Variants in KCNQ5 observed in about 807,000 individuals in gnomAD.
The protein encoded by KCNQ5 is potassium voltage-gated channel subfamily KQT member 5.
Under a neutral mutation model 98.2 loss-of-function variants are expected in KCNQ5, and 30 were observed. That is an observed-to-expected ratio of 0.31 (90% confidence interval 0.23 to 0.41). The LOEUF is 0.41. Ranked by LOEUF, KCNQ5 falls within the 10% of genes least tolerant of loss-of-function variation. KCNQ5 has a pLI of 1.00. For missense variants in KCNQ5, 835 were observed against 1,182.5 expected (o/e 0.71, Z 4.31); for synonymous variants, 458 against 449.4 (o/e 1.02, Z -0.24).
At chr6:72,895,278 G>T (rs1779205698) in intron 1 of KCNQ5, among the ~76,000 whole-genome samples, 1 of 148,512 alleles carries the variant, frequency 6.7e-6, no homozygotes, top group South Asian at 2.1e-4. Context: ...GACAGAGCGA[G>T]ACTCGGTCTC....
At chr6:72,656,225 A>G (rs1427827972) in intron 1 of KCNQ5, among the ~76,000 whole-genome samples, 1 of 152,166 alleles carries the variant, frequency 6.6e-6, no homozygotes, top group African/African-American at 2.4e-5. Context: ...CTGGGGACCC[A>G]GGACCACACA....
At chr6:73,077,925 G>A (rs1168250449) in intron 5 of KCNQ5, 38 bp downstream of exon 5, 16 of 1,527,926 alleles carry the variant, frequency 1.0e-5, no homozygotes, top group Non-Finnish European at 1.4e-5. Context: ...ATTGGATGTT[G>A]TGAATTGTTT....
intron 3 of KCNQ5, chr6:73,054,967 G>C (rs537754633): frequency 4.5e-5 from 18 of 403,426 alleles, no homozygotes; most frequent in African/African-American, 3.7e-4. Context: ...AAAGCTCCTT[G>C]GTTTGATAAA....
chr6:72,977,248 AAG>A (rs1768198909), intron 1 of KCNQ5, among the ~76,000 whole-genome samples: 1 of 152,190 alleles, frequency 6.6e-6, no homozygotes, highest in Admixed American at 6.5e-5. Context: ...CTGGGACACA[AAG>A]AGTATGAGCT....
chr6:72,845,573 G>A (rs920276279), intron 1 of KCNQ5, among the ~76,000 whole-genome samples: 1 of 152,128 alleles, frequency 6.6e-6, no homozygotes, highest in Non-Finnish European at 1.5e-5. Flanking sequence ...GCATTCATGG[G>A]AATGTTCAGA....
chr6:73,126,984 A>C (rs1374306697), intron 9 of KCNQ5, among the ~76,000 whole-genome samples: 1 of 152,198 alleles, frequency 6.6e-6, no homozygotes, highest in Non-Finnish European at 1.5e-5. Context: ...AAAACATTGC[A>C]ATAATCTAAG....
chr6:72,623,188 T>C (rs2098916340), intron 1 of KCNQ5, among the ~76,000 whole-genome samples: 1 of 152,128 alleles, frequency 6.6e-6, no homozygotes, highest in Non-Finnish European at 1.5e-5. Flanking sequence ...TAGCCCTTCC[T>C]GCCACGGAGA....
intron 1 of KCNQ5, among the ~76,000 whole-genome samples, chr6:72,737,553 A>C (rs973994512): frequency 2.6e-5 from 4 of 152,026 alleles, no homozygotes; most frequent in African/African-American, 9.7e-5. Flanking sequence ...TTGGGTGGAC[A>C]TTGGAGGGTG....
chr6:73,159,988 G>GTTTT (rs771636708), intron 10 of KCNQ5, among the ~76,000 whole-genome samples: 3 of 137,938 alleles, frequency 2.2e-5, no homozygotes, highest in South Asian at 2.3e-4. Flanking sequence ...TTCCGCTATG[G>GTTTT]TTTTTTTTGT....
intron 1 of KCNQ5, among the ~76,000 whole-genome samples, chr6:72,717,078 G>A (rs1769684035): frequency 6.6e-6 from 1 of 152,198 alleles, no homozygotes; most frequent in African/African-American, 2.4e-5. Flanking sequence ...CAAAATGTGA[G>A]TCATAATCCC....
At chr6:72,911,536 T>TTG (rs879494922) in intron 1 of KCNQ5, among the ~76,000 whole-genome samples, 14 of 152,056 alleles carry the variant, frequency 9.2e-5, no homozygotes, top group Non-Finnish European at 1.9e-4. Context: ...CCAAACTGAC[T>TTG]TAAGACAAGT....
intron 1 of KCNQ5, among the ~76,000 whole-genome samples, chr6:72,969,029 C>T (rs1767747822): frequency 6.6e-6 from 1 of 152,162 alleles, no homozygotes; most frequent in Non-Finnish European, 1.5e-5. Context: ...TTCCTAAGTA[C>T]AGTTTGGCTT....
chr6:73,086,151 T>C (rs948917396), intron 5 of KCNQ5, among the ~76,000 whole-genome samples: 1 of 152,148 alleles, frequency 6.6e-6, no homozygotes, highest in African/African-American at 2.4e-5. Flanking sequence ...TCCCTCTCTC[T>C]GACATTGAAT....
At chr6:72,824,230 A>G (rs1775882066) in intron 1 of KCNQ5, among the ~76,000 whole-genome samples, 1 of 152,140 alleles carries the variant, frequency 6.6e-6, no homozygotes, top group South Asian at 2.1e-4. Flanking sequence ...TTTAGAAGCA[A>G]TTGAGCAATA....
At chr6:72,686,971 G>C (rs1161958571) in intron 1 of KCNQ5, among the ~76,000 whole-genome samples, 1 of 152,008 alleles carries the variant, frequency 6.6e-6, no homozygotes, top group African/African-American at 2.4e-5. Context: ...ACTGATTTTT[G>C]TCACTGTAAA....
At position 72,871,643 on chromosome 6, in the gene KCNQ5, TTTAACCTAAA is replaced by T. The variant is rs1778211404; in HGVS notation, c.399-132263_399-132254del. ...TCATATTAATCCAAAAAGAACAATA[TTTAACCTAAA>T]TGTAAACTAAAAGCCAACATGTTGA... On this transcript the variant is annotated intron_variant, in intron 1 of 13. Coordinates refer to ENST00000370398, the MANE Select transcript of KCNQ5 (RefSeq NM_019842.4). Among the ~76,000 whole-genome samples the T allele has an allele frequency of 2.0e-5, 3 of 152,274 alleles. No homozygotes were observed. In the South Asian group the frequency reaches 6.2e-4, roughly 32 times the overall value.
chr6:72,811,367 G>A (rs1163392476), intron 1 of KCNQ5, among the ~76,000 whole-genome samples: 6 of 152,180 alleles, frequency 3.9e-5, no homozygotes, highest in Non-Finnish European at 1.5e-5. Context: ...GAATTCTAGA[G>A]AGTAAATTAT....
At chr6:72,876,384 C>T (rs995840935) in intron 1 of KCNQ5, among the ~76,000 whole-genome samples, 2 of 152,088 alleles carry the variant, frequency 1.3e-5, no homozygotes, top group East Asian at 3.8e-4. Flanking sequence ...ATATCTGTTT[C>T]TAGCACTTCA....
chr6:72,687,796 G>A (rs1023381901), intron 1 of KCNQ5, among the ~76,000 whole-genome samples: 1 of 150,948 alleles, frequency 6.6e-6, no homozygotes, highest in African/African-American at 2.4e-5. Context: ...GAACCCATAA[G>A]AGCTCCAGTT....
Sources: gnomAD v4.1 joint callset for allele counts (sites outside exome capture counted in the v4.1 genomes callset) on GRCh38, gnomAD v4.1.1 for gene constraint, MANE v1.5 for transcripts, NCBI Gene and HGNC (gene_info 2026-07-23, HGNC 2026-07-21) for gene names.